Variants in TRRAP observed in about 807,000 individuals in gnomAD.
TRRAP encodes the protein transformation/transcription domain-associated protein.
TRRAP carries 41 observed loss-of-function variants against 438.8 expected under a neutral mutation model. The ratio of observed to expected loss-of-function variants is 0.09; its 90% CI spans 0.07 to 0.12. The LOEUF (loss-of-function observed/expected upper bound fraction) is 0.12. Among genes scored for constraint, TRRAP ranks in the 10% least tolerant of loss-of-function variants. The pLI, the probability that TRRAP is intolerant of heterozygous loss-of-function variation, is 1.00. For synonymous variants in TRRAP, 1,994 were observed against 1,962.9 expected (o/e 1.02, Z -0.42); for missense variants, 3,122 against 5,055.1 (o/e 0.62, Z 11.60).
At chr7:98,912,810 A>G (rs1789335206) in intron 18 of TRRAP, among the ~76,000 whole-genome samples, 2 of 152,158 alleles carry the variant, frequency 1.3e-5, no homozygotes, top group East Asian at 3.8e-4. Flanking sequence ...CACTGAAGCC[A>G]ATACAATGGT....
chr7:98,909,074 A>G (rs962852631), intron 14 of TRRAP, 112 bp downstream of exon 14: 4 of 1,028,782 alleles, frequency 3.9e-6, no homozygotes, highest in African/African-American at 1.6e-5. Context: ...CCTAGGCTGA[A>G]GTGCAGTGGC....
Position 98,981,928 on chromosome 7 carries a change from G to A in TRRAP, c.8794G>A (p.Val2932Ile), listed in dbSNP as rs761526429. ...CCGCGAGTGGCGGCGGCTGCCCCACGTAGTGTCCCACGTGCACACGCCTCT... is the reference window on the plus strand; with the variant it reads ...CCGCGAGTGGCGGCGGCTGCCCCACATAGTGTCCCACGTGCACACGCCTCT... ...AIREWRRLPH[V>I]VSHVHTPLLQ... Residue 2932 changes from valine (V) to isoleucine (I), a missense_variant, in exon 59 of 73, where the codon GTA becomes ATA. Val to Ile is a conservative substitution (Grantham distance 29). Transcript: ENST00000456197. The A allele has an allele frequency of 2.4e-5, 39 of 1,606,730 alleles. No individual in the cohort carries two copies. The East Asian group carries it at 2.5e-4, about 10-fold the overall frequency.
chr7:99,004,543 A>G, intron 68 of TRRAP, 128 bp downstream of exon 68: 1 of 817,008 alleles, frequency 1.2e-6, no homozygotes, highest in Non-Finnish European at 1.9e-6. Context: ...AGAACATAAG[A>G]TGATTCTGGA....
At chr7:98,883,415 T>C (rs781824171) in intron 3 of TRRAP, among the ~76,000 whole-genome samples, 1 of 152,234 alleles carries the variant, frequency 6.6e-6, no homozygotes. Context: ...ATATTTACTG[T>C]ATGAGGGCTG....
chr7:99,009,674 C>T (rs1253759428), intron 70 of TRRAP, among the ~76,000 whole-genome samples: 1 of 152,156 alleles, frequency 6.6e-6, no homozygotes, highest in Non-Finnish European at 1.5e-5. Context: ...CTTTCGACAG[C>T]GTGGAAGCCA....
rs781183738 is a variant in TRRAP at position 98,976,762 on chromosome 7, C to T, written c.8239C>T (p.Pro2747Ser). The T allele has an allele frequency of 6.2e-6, 10 of 1,612,964 alleles. No homozygotes were observed. The highest frequency in any genetic ancestry group is 6.8e-6 in the Non-Finnish European group (8 of 1,179,392). Reference protein sequence around the residue: ...EFYEQESITPPQQEILDSLAE... With the variant: ...EFYEQESITPSQQEILDSLAE... ...TTATGAGCAGGAGAGCATCACCCCGCCGCAGCAGGTGAGGGTGCGCCTCAG... is the reference window on the plus strand; with the variant it reads ...TTATGAGCAGGAGAGCATCACCCCGTCGCAGCAGGTGAGGGTGCGCCTCAG... The change falls in exon 55 of 73, where the codon CCG becomes TCG. Residue 2747 changes from proline to serine, a missense_variant. By Grantham distance (74) the Pro-to-Ser change is moderately conservative. This residue lies in a region of TRRAP where 992 missense variants were observed against 1,281.2 expected (regional missense o/e 0.77). Transcript: ENST00000456197. This position sits in a 1 kb window ranked among gnomAD's most constrained non-coding sequence, Gnocchi z 4.6.
intron 27 of TRRAP, 97 bp from the exon 28 acceptor site, chr7:98,935,482 T>C: frequency 1.0e-6 from 1 of 992,124 alleles, no homozygotes; most frequent in Non-Finnish European, 1.5e-6. Flanking sequence ...GTTAATTGTG[T>C]TGCAGTGTGT....
chr7:98,893,006 C>T (rs1470704116), intron 5 of TRRAP, among the ~76,000 whole-genome samples: 6 of 151,526 alleles, frequency 4.0e-5, no homozygotes, highest in Admixed American at 6.6e-5. Flanking sequence ...GGCTGGAGTG[C>T]AGTGGTGTGA....
At chr7:98,964,928 G>A (rs1161051220) in intron 48 of TRRAP, among the ~76,000 whole-genome samples, 153 bp downstream of exon 48, 1 of 152,202 alleles carries the variant, frequency 6.6e-6, no homozygotes, top group Non-Finnish European at 1.5e-5. Flanking sequence ...CTTCAATGTA[G>A]GGGTTTAAAA....
chr7:99,008,601 C>T (rs1584419983), intron 70 of TRRAP, 40 bp downstream of exon 70: 1 of 1,603,604 alleles, frequency 6.2e-7, no homozygotes, highest in Non-Finnish European at 8.5e-7. Context: ...CTGCCGCCTG[C>T]AGCCCTCCTG....
At position 98,895,760 on chromosome 7, in the gene TRRAP, T is replaced by C; in HGVS notation, c.451-4T>C. The C allele has an allele frequency of 6.2e-7, 1 of 1,601,468 alleles. No individual in the cohort carries two copies. Among genetic ancestry groups the C allele is most frequent in the East Asian group, 2.2e-5 (1 of 44,630 alleles). On this transcript the variant is annotated splice_polypyrimidine_tract_variant and splice_region_variant and intron_variant, in intron 6 of 72. Coordinates refer to ENST00000456197, the MANE Select transcript of TRRAP (RefSeq NM_001375524.1). The stretch of plus-strand genomic sequence containing the variant: ...CCTATAACGAAAGTGTCTGCTTTTT[T>C]TAGATTCATCATTTTCTGGATTTTG...
rs367735193 is a variant in TRRAP at position 98,911,058 on chromosome 7, C to T, written c.1813-19C>T. 7 of 1,607,088 alleles carry T rather than the reference C, an allele frequency of 4.4e-6. No homozygotes were observed. The highest frequency in any genetic ancestry group is 5.9e-6 in the Non-Finnish European group (7 of 1,176,988). On this transcript the variant is annotated intron_variant, in intron 16 of 72. Transcript: ENST00000456197. ...GTTCAGTTTTAATGCCTGTGGGCGG[C>T]TTTTTTCCCCTGTATTAGGTCCAGA... is the stretch of plus-strand genomic sequence containing the variant.
At position 98,984,108 on chromosome 7, in the gene TRRAP, A is replaced by G. The variant is rs753209235; in HGVS notation, c.9038A>G (p.Tyr3013Cys). Residue 3013 changes from tyrosine (Y) to cysteine (C), a missense_variant, in exon 61 of 73, where the codon TAT (tyrosine) becomes TGT (cysteine). Around this residue, in one of 24 missense-constraint regions of TRRAP, gnomAD observed 129 missense variants for 279.2 expected, o/e 0.46. Coordinates refer to ENST00000456197, the MANE Select transcript of TRRAP (RefSeq NM_001375524.1). ...TGCCCTCTAGCGATTGTAACTGCCT[A>G]TGAGAATAGCTCTCAGCATGATCCC... ...QHHYQAIVTA[Y>C]ENSSQHDPSS... The G allele has an allele frequency of 1.9e-5, 30 of 1,608,382 alleles. No individual in the cohort carries two copies. Among genetic ancestry groups the G allele is most frequent in the Non-Finnish European group, 2.2e-5 (26 of 1,176,988 alleles).
intron 44 of TRRAP, among the ~76,000 whole-genome samples, chr7:98,958,368 T>C (rs1791724947): frequency 6.6e-6 from 1 of 152,036 alleles, no homozygotes; most frequent in African/African-American, 2.4e-5. Context: ...AGTGGTGCGA[T>C]CTTGGCTCAC....
chr7:98,984,627 T>G (rs1409822938), intron 61 of TRRAP, among the ~76,000 whole-genome samples: 1 of 152,128 alleles, frequency 6.6e-6, no homozygotes, highest in East Asian at 1.9e-4. Flanking sequence ...CACTACAGAA[T>G]TATGAGGATC....
intron 40 of TRRAP, among the ~76,000 whole-genome samples, chr7:98,954,823 A>G (rs1217346103): frequency 6.6e-6 from 1 of 152,200 alleles, no homozygotes; most frequent in African/African-American, 2.4e-5. Context: ...TAGGCGGGAC[A>G]TGGGATCCCT....
chr7:98,970,075 A>G, intron 51 of TRRAP, 37 bp from the exon 52 acceptor site: 6 of 1,605,518 alleles, frequency 3.7e-6, no homozygotes, highest in Non-Finnish European at 5.1e-6. Context: ...TGCCACGCGC[A>G]TGCCTTGGGT....
At chr7:98,911,450 G>A (rs1268031353) in intron 17 of TRRAP, among the ~76,000 whole-genome samples, 179 bp downstream of exon 17, 1 of 152,152 alleles carries the variant, frequency 6.6e-6, no homozygotes, top group Non-Finnish European at 1.5e-5. Context: ...AGATTCAAAT[G>A]CTTTGGATCA....
At chr7:98,891,663 G>A (rs1554404920) in intron 4 of TRRAP, among the ~76,000 whole-genome samples, 1 of 151,448 alleles carries the variant, frequency 6.6e-6, no homozygotes, top group African/African-American at 2.4e-5. Flanking sequence ...AGCCTCCCGA[G>A]TAGCTGGGAC....
Sources: gnomAD v4.1 joint callset for allele counts (sites outside exome capture counted in the v4.1 genomes callset) on GRCh38, gnomAD v4.1.1 for gene constraint, gnomAD v4.1.1 regional missense constraint, Gnocchi (gnomAD v3.1) non-coding constraint, MANE v1.5 for transcripts, NCBI Gene and HGNC (gene_info 2026-07-23, HGNC 2026-07-21) for gene names.